The following GLIS3 variants were observed in gnomAD, a reference collection of about 807,000 sequenced individuals.
GLIS3 encodes the protein GLIS family zinc finger 3.
GLIS3 carries 53 observed loss-of-function variants against 78.6 expected under a neutral mutation model. The observed-to-expected ratio is 0.67, with a 90% CI of 0.54 to 0.85. The LOEUF is 0.85. GLIS3 is among the 40% of genes least tolerant of loss of function. GLIS3 has a pLI of 0.00. For synonymous variants in GLIS3, 684 were observed against 509.9 expected, an observed-to-expected ratio of 1.34 and a Z score of -4.60; for missense variants, 1,703 against 1,231.1, an observed-to-expected ratio of 1.38 and a Z score of -5.74.
intron 2 of GLIS3, among the ~76,000 whole-genome samples, chr9:4,134,222 G>C (rs1470611936): frequency 6.6e-6 from 1 of 152,056 alleles, no homozygotes; most frequent in Non-Finnish European, 1.5e-5. Flanking sequence ...AGCCAATTTA[G>C]ATCACTTGCA....
intron 2 of GLIS3, among the ~76,000 whole-genome samples, chr9:4,222,892 A>C (rs949782293): frequency 6.6e-6 from 1 of 152,184 alleles, no homozygotes; most frequent in Non-Finnish European, 1.5e-5. Context: ...ACGAAGCTGC[A>C]CTGAGCAGAG....
chr9:4,348,529 T>C (rs941858049), upstream of GLIS3: 1 of 152,250 alleles, frequency 6.6e-6, no homozygotes. Flanking sequence ...CAGAACTCGG[T>C]CAATGGCCAC....
intron 4 of GLIS3, among the ~76,000 whole-genome samples, chr9:3,948,533 A>G (rs1209592667): frequency 3.3e-5 from 5 of 152,042 alleles, no homozygotes; most frequent in African/African-American, 1.2e-4. Context: ...TGTAACCTCA[A>G]TCCCCCTGAC....
the GLIS3 span, among the ~76,000 whole-genome samples, chr9:4,381,820 A>C: frequency 6.6e-5 from 10 of 152,108 alleles, no homozygotes; most frequent in Non-Finnish European, 1.2e-4. Context: ...AAGAGCCATT[A>C]TTTCTTTCTT....
chr9:4,262,078 G>A (rs2130028611), intron 2 of GLIS3, among the ~76,000 whole-genome samples: 1 of 152,208 alleles, frequency 6.6e-6, no homozygotes, highest in South Asian at 2.1e-4. Flanking sequence ...AAGAGACCCG[G>A]TCTAGTCCAA....
At chr9:3,970,581 C>T (rs1198530568) in intron 4 of GLIS3, among the ~76,000 whole-genome samples, 1 of 152,068 alleles carries the variant, frequency 6.6e-6, no homozygotes, top group Non-Finnish European at 1.5e-5. Context: ...GCTGCTAATG[C>T]ACAGGACAGC....
intron 2 of GLIS3, among the ~76,000 whole-genome samples, chr9:4,242,321 T>C (rs1443292153): frequency 6.6e-6 from 1 of 152,136 alleles, no homozygotes; most frequent in Non-Finnish European, 1.5e-5. Flanking sequence ...AACCAATCTA[T>C]AGAAAACCTG....
At chr9:3,866,356 G>A (rs1287141060) in intron 8 of GLIS3, among the ~76,000 whole-genome samples, 1 of 152,178 alleles carries the variant, frequency 6.6e-6, no homozygotes, top group Non-Finnish European at 1.5e-5. Flanking sequence ...AGCTACTCGG[G>A]AGGCTGAGGC....
chr9:3,854,217 T>C (rs1459639864), intron 9 of GLIS3, among the ~76,000 whole-genome samples: 1 of 152,174 alleles, frequency 6.6e-6, no homozygotes, highest in Non-Finnish European at 1.5e-5. Context: ...GGGCTCAATT[T>C]GACTGTCTTT....
intron 2 of GLIS3, among the ~76,000 whole-genome samples, chr9:4,269,417 G>C (rs1826305703): frequency 6.6e-6 from 1 of 152,190 alleles, no homozygotes; most frequent in Non-Finnish European, 1.5e-5. Flanking sequence ...GCCAGCTACA[G>C]TGCAAATCAA....
At chr9:4,341,775 G>A (rs542332220) in intron 2 of GLIS3, among the ~76,000 whole-genome samples, 16 of 152,280 alleles carry the variant, frequency 1.1e-4, no homozygotes, top group African/African-American at 3.6e-4. Context: ...TTCAGCATTA[G>A]ATCCCATGGC....
At chr9:4,164,659 G>T (rs1469251754) in intron 2 of GLIS3, among the ~76,000 whole-genome samples, 10 of 152,176 alleles carry the variant, frequency 6.6e-5, no homozygotes, top group Non-Finnish European at 1.2e-4. Flanking sequence ...GCTGCTTAGA[G>T]GGCGTTATGT....
At chr9:3,858,587 T>C (rs1249798401) in intron 8 of GLIS3, among the ~76,000 whole-genome samples, 1 of 152,146 alleles carries the variant, frequency 6.6e-6, no homozygotes, top group Non-Finnish European at 1.5e-5. Context: ...ATTTATACAA[T>C]ATAAAGTTAA....
At chr9:3,885,392 A>G (rs1433192865) in intron 7 of GLIS3, among the ~76,000 whole-genome samples, 1 of 152,194 alleles carries the variant, frequency 6.6e-6, no homozygotes, top group East Asian at 1.9e-4. Context: ...GGAGTCATTC[A>G]TGGTTGCATT....
intron 2 of GLIS3, among the ~76,000 whole-genome samples, chr9:4,330,538 G>A (rs1174701566): frequency 1.3e-5 from 2 of 152,168 alleles, no homozygotes; most frequent in Non-Finnish European, 2.9e-5. Context: ...GGGAGATGAA[G>A]GGAGGTGGAG....
At chr9:4,053,386 G>GCAC (rs1235316834) in intron 4 of GLIS3, among the ~76,000 whole-genome samples, 1 of 152,064 alleles carries the variant, frequency 6.6e-6, no homozygotes, top group Non-Finnish European at 1.5e-5. Context: ...AAGTTGCAAA[G>GCAC]CTCCTCCTCC....
intron 4 of GLIS3, among the ~76,000 whole-genome samples, chr9:3,990,753 T>C (rs1039241343): frequency 6.6e-6 from 1 of 152,184 alleles, no homozygotes; most frequent in Non-Finnish European, 1.5e-5. Context: ...TGGAATTAGT[T>C]TTCAAATAGC....
chr9:4,339,683 G>C (rs1817804191), intron 2 of GLIS3, among the ~76,000 whole-genome samples: 1 of 144,874 alleles, frequency 6.9e-6, no homozygotes, highest in Admixed American at 7.0e-5. Context: ...AGATGCCACA[G>C]TGACATTTCA....
intron 4 of GLIS3, among the ~76,000 whole-genome samples, chr9:4,066,258 A>G (rs1564005554): frequency 6.6e-6 from 1 of 152,130 alleles, no homozygotes; most frequent in Non-Finnish European, 1.5e-5. Flanking sequence ...ATTAACACTC[A>G]TTGCTGTGGG....
Sources: allele counts gnomAD v4.1 joint callset (sites outside exome capture counted in the v4.1 genomes callset), GRCh38; gene constraint gnomAD v4.1.1; transcripts MANE v1.5; gene names NCBI Gene and HGNC (gene_info 2026-07-23, HGNC 2026-07-21).